The following GRIP1 variants were observed in gnomAD, a reference collection of about 807,000 sequenced individuals.
GRIP1 encodes the protein glutamate receptor-interacting protein 1.
A neutral mutation model predicts 129.9 loss-of-function variants in GRIP1; 45 were observed. The observed-to-expected ratio is 0.35, with a 90% CI of 0.27 to 0.44. The LOEUF is 0.44. GRIP1 is among the 20% of genes least tolerant of loss of function. GRIP1 has a pLI of 1.00. For synonymous variants in GRIP1, 530 were observed against 520.8 expected, an observed-to-expected ratio of 1.02 and a Z score of -0.24; for missense variants, 1,196 against 1,396.8, an observed-to-expected ratio of 0.86 and a Z score of 2.29.
At chr12:66,611,635 T>C (rs1214672220) in intron 1 of GRIP1, among the ~76,000 whole-genome samples, 1 of 152,204 alleles carries the variant, frequency 6.6e-6, no homozygotes, top group Non-Finnish European at 1.5e-5. Flanking sequence ...AAGATTGATG[T>C]ATAGCCACTA....
intron 1 of GRIP1, among the ~76,000 whole-genome samples, chr12:66,614,648 C>G (rs1213526921): frequency 6.6e-6 from 1 of 152,108 alleles, no homozygotes; most frequent in African/African-American, 2.4e-5. Flanking sequence ...AAGAAAATCA[C>G]AGTACTTCCC....
At chr12:66,959,172 T>G (rs1039528185) in intron 1 of GRIP1, among the ~76,000 whole-genome samples, 2 of 152,226 alleles carry the variant, frequency 1.3e-5, no homozygotes, top group African/African-American at 2.4e-5. Flanking sequence ...TTGCCTGTTA[T>G]ATATTTAACC....
intron 1 of GRIP1, among the ~76,000 whole-genome samples, chr12:66,943,985 C>T (rs1196462885): frequency 6.6e-6 from 1 of 152,160 alleles, no homozygotes; most frequent in Non-Finnish European, 1.5e-5. Flanking sequence ...CATCTCTAAT[C>T]TTTCACCGAT....
At chr12:66,379,940 C>T (rs894819064) in intron 19 of GRIP1, among the ~76,000 whole-genome samples, 2 of 152,166 alleles carry the variant, frequency 1.3e-5, no homozygotes, top group Admixed American at 6.6e-5. Flanking sequence ...GAGTCTTGCT[C>T]TGTCATCCAG....
intron 1 of GRIP1, among the ~76,000 whole-genome samples, chr12:66,955,086 T>C (rs529790985): frequency 6.6e-6 from 1 of 152,244 alleles, no homozygotes; most frequent in Admixed American, 6.5e-5. Flanking sequence ...TTACAATGTG[T>C]CATGTAAATT....
chr12:66,772,254 C>T (rs1393559152), intron 1 of GRIP1, among the ~76,000 whole-genome samples: 1 of 152,222 alleles, frequency 6.6e-6, no homozygotes, highest in Non-Finnish European at 1.5e-5. Context: ...CCTCATCTGA[C>T]TTTCAATAGA....
intron 1 of GRIP1, among the ~76,000 whole-genome samples, chr12:67,066,253 GC>G (rs1310547603): frequency 6.6e-6 from 1 of 152,042 alleles, no homozygotes; most frequent in Non-Finnish European, 1.5e-5. Context: ...CTTTTTGTAT[GC>G]GGCAATAACA....
chr12:66,368,045 G>C (rs1378268963), intron 23 of GRIP1, among the ~76,000 whole-genome samples: 1 of 152,222 alleles, frequency 6.6e-6, no homozygotes, highest in African/African-American at 2.4e-5. Flanking sequence ...GATGAGAAGT[G>C]AGTGAAAACC....
At chr12:66,502,951 TAGGCATG>T in intron 7 of GRIP1, among the ~76,000 whole-genome samples, 1 of 152,302 alleles carries the variant, frequency 6.6e-6, no homozygotes, top group East Asian at 1.9e-4. Flanking sequence ...TACATGAAGT[TAGGCATG>T]AGCAGGGCAG....
chr12:66,547,334 A>G lies in GRIP1; in HGVS notation c.137-5384T>C, dbSNP rs1363607669. Among the ~76,000 whole-genome samples the G allele has an allele frequency of 1.3e-5, 2 of 152,206 alleles. 1 individual carries two copies. The highest frequency in any genetic ancestry group is 4.8e-5 in the African/African-American group (2 of 41,454). ...TCTGACGCTACTGATGGGAATGTAA[A>G]ATAGGACAACTACTCTGGAAAACAG... On this transcript the variant is annotated intron_variant, in intron 2 of 24. Transcript: ENST00000359742.
rs1043810469 is a variant in GRIP1 at position 66,664,470 on chromosome 12, T to C, written c.55+14380A>G. 4.6e-5 allele frequency among the ~76,000 whole-genome samples: 7 copies of C among 152,338 alleles called. No homozygotes were observed. The South Asian group carries it at 1.5e-3, about 32-fold the overall frequency. ...ATGATTATGTCTTCAGGTTCATTAA[T>C]GGGCAATGAGATTTATAAACACAGT... On this transcript the variant is annotated intron_variant, in intron 1 of 24. Transcript: ENST00000359742.
Position 66,354,920 on chromosome 12 carries a change from T to C in GRIP1, c.3013-1357A>G, listed in dbSNP as rs2054405334. Among the ~76,000 whole-genome samples the C allele has an allele frequency of 2.0e-5, 3 of 152,120 alleles. No homozygotes were observed. The South Asian group carries it at 6.2e-4, about 32-fold the overall frequency. ...CAACCAGTCCCAGTGGTTATTGCCA[T>C]ATTAGAGGTGAGGAAATTCAATTTC... On this transcript the variant is annotated intron_variant, in intron 23 of 24. Transcript: ENST00000359742.
chr12:66,354,807 A>G (rs2054399939), intron 23 of GRIP1, among the ~76,000 whole-genome samples: 1 of 152,172 alleles, frequency 6.6e-6, no homozygotes, highest in East Asian at 1.9e-4. Context: ...GGCATTCTGA[A>G]GGCAATATGA....
intron 1 of GRIP1, among the ~76,000 whole-genome samples, chr12:66,991,987 TAGAC>T (rs1159754666): frequency 1.3e-5 from 2 of 152,186 alleles, no homozygotes; most frequent in African/African-American, 2.4e-5. Context: ...ATGACTTAAA[TAGAC>T]AGGCATTTCA....
intron 1 of GRIP1, among the ~76,000 whole-genome samples, chr12:66,823,568 A>G (rs934805797): frequency 1.3e-5 from 2 of 152,186 alleles, no homozygotes; most frequent in African/African-American, 2.4e-5. Context: ...CTAATACACC[A>G]TATCTATCTC....
At position 66,566,733 on chromosome 12, in the gene GRIP1, G is replaced by T. The variant is rs191037589; in HGVS notation, c.137-24783C>A. The stretch of plus-strand genomic sequence containing the variant: ...TTGTTTGTATCCCTGGTAAAATTCG[G>T]CTGTGAATCCGTCTTCCAAAAAAAA... On this transcript the variant is annotated intron_variant, in intron 2 of 24. Coordinates refer to ENST00000359742, the MANE Select transcript of GRIP1 (RefSeq NM_001366722.1). Among the ~76,000 whole-genome samples, 881 of 152,182 alleles carry T rather than the reference G, an allele frequency of 5.8e-3. 5 individuals are homozygous for T. Among genetic ancestry groups the T allele is most frequent in the Admixed American group, 0.012 (190 of 15,274 alleles).
intron 1 of GRIP1, among the ~76,000 whole-genome samples, chr12:66,824,570 T>C (rs2039376082): frequency 6.6e-6 from 1 of 152,142 alleles, no homozygotes; most frequent in Non-Finnish European, 1.5e-5. Context: ...CCTGGACAAG[T>C]GGTTGTCCAT....
At chr12:66,595,652 T>C (rs1322892055) in intron 2 of GRIP1, among the ~76,000 whole-genome samples, 1 of 152,258 alleles carries the variant, frequency 6.6e-6, no homozygotes, top group African/African-American at 2.4e-5. Flanking sequence ...TGAAGAATGA[T>C]GTTTTATAGG....
At chr12:66,368,616 T>A (rs2055289526) in intron 23 of GRIP1, among the ~76,000 whole-genome samples, 1 of 152,124 alleles carries the variant, frequency 6.6e-6, no homozygotes, top group Admixed American at 6.5e-5. Context: ...AAGGAAGGTG[T>A]TTTTCTCATT....
Sources: gnomAD v4.1 joint callset for allele counts (sites outside exome capture counted in the v4.1 genomes callset) on GRCh38, gnomAD v4.1.1 for gene constraint, MANE v1.5 for transcripts, NCBI Gene and HGNC (gene_info 2026-07-23, HGNC 2026-07-21) for gene names.